The following PRDM11 variants were observed in gnomAD, a reference collection of about 807,000 sequenced individuals.
PRDM11 encodes the protein PR/SET domain 11.
In PRDM11, 20 loss-of-function variants were observed where a neutral mutation model predicts 97.8. The ratio of observed to expected loss-of-function variants is 0.20; its 90% CI spans 0.14 to 0.30. The LOEUF (loss-of-function observed/expected upper bound fraction) is 0.30, where lower values mean the gene tolerates loss of function less well. Among genes scored for constraint, PRDM11 ranks in the 10% least tolerant of loss-of-function variants. The pLI is 1.00. For synonymous variants in PRDM11, 599 were observed against 637.7 expected, an observed-to-expected ratio of 0.94 and a Z score of 0.91; for missense variants, 1,139 against 1,555.2, an observed-to-expected ratio of 0.73 and a Z score of 4.50.
At chr11:45,113,729 A>T (rs1256963764) in intron 1 of PRDM11, among the ~76,000 whole-genome samples, 2 of 150,766 alleles carry the variant, frequency 1.3e-5, no homozygotes. Flanking sequence ...TGTAAAAGGG[A>T]GTGAGTTCAT....
chr11:45,153,852 A>G (rs537731561), intron 1 of PRDM11, among the ~76,000 whole-genome samples: 17 of 152,310 alleles, frequency 1.1e-4, no homozygotes, highest in African/African-American at 4.1e-4. Context: ...GCACCAGGAC[A>G]CTGACAACAG....
At chr11:45,222,170 C>T (rs1055497942) in intron 6 of PRDM11, among the ~76,000 whole-genome samples, 1 of 152,146 alleles carries the variant, frequency 6.6e-6, no homozygotes, top group Non-Finnish European at 1.5e-5. Context: ...TACTTTGATT[C>T]ACTAATTTAC....
At chr11:45,157,374 G>A (rs535979335) in intron 1 of PRDM11, among the ~76,000 whole-genome samples, 2 of 152,256 alleles carry the variant, frequency 1.3e-5, no homozygotes, top group African/African-American at 2.4e-5. Context: ...GGTAGGGTTC[G>A]CGTCCTATGA....
intron 4 of PRDM11, among the ~76,000 whole-genome samples, chr11:45,184,758 C>A (rs1231708237): frequency 6.6e-6 from 1 of 151,958 alleles, no homozygotes; most frequent in Non-Finnish European, 1.5e-5. Flanking sequence ...GTCAAGTAGG[C>A]AGTTGGATAT....
chr11:45,119,264 G>A (rs1852371094), intron 1 of PRDM11, among the ~76,000 whole-genome samples: 3 of 152,180 alleles, frequency 2.0e-5, no homozygotes, highest in Non-Finnish European at 1.5e-5. Flanking sequence ...ACTTGTGAGA[G>A]TAGGCAAATG....
chr11:45,226,819 G>A lies in PRDM11; in HGVS notation c.2194G>A (p.Asp732Asn). The change falls in exon 8 of 8, where the codon GAT (aspartate) becomes AAT (asparagine). Residue 732 changes from aspartate (D) to asparagine (N), a missense_variant. Physicochemically the swap from Asp to Asn is conservative, Grantham distance 23. Around this residue, in one of 2 missense-constraint regions of PRDM11, gnomAD observed 710 missense variants for 1,044.9 expected, o/e 0.68. Coordinates refer to ENST00000683152, the MANE Select transcript of PRDM11 (RefSeq NM_001384648.1). ...DEKPTVGLGV[D>N]GANITASLRA... ...AAAGCCAACTGTTGGCTTGGGTGTAGATGGAGCCAACATCACAGCCAGCCT... is the reference window on the plus strand; with the variant it reads ...AAAGCCAACTGTTGGCTTGGGTGTAAATGGAGCCAACATCACAGCCAGCCT... 3.9e-6 allele frequency: 6 copies of A among 1,533,912 alleles called. No homozygotes were observed. Among genetic ancestry groups the A allele is most frequent in the Non-Finnish European group, 5.2e-6 (6 of 1,146,732 alleles).
Position 45,219,926 on chromosome 11 carries a change from G to A in PRDM11, c.742+169G>A, listed in dbSNP as rs564927600. Among the ~76,000 whole-genome samples the A allele has an allele frequency of 6.6e-6, 1 of 152,272 alleles. No homozygotes were observed. The highest frequency in any genetic ancestry group is 2.1e-4 in the South Asian group (1 of 4,820). On this transcript the variant is annotated intron_variant, in intron 6 of 7. Transcript: ENST00000683152. This position sits in a 1 kb window ranked among gnomAD's most constrained non-coding sequence, Gnocchi z 4.2. ...TGAGCAGCAGCTCTGGGCCAAGCAGGGGCCACCCCAGCATGTTATCGACCC... is the reference window on the plus strand; with the variant it reads ...TGAGCAGCAGCTCTGGGCCAAGCAGAGGCCACCCCAGCATGTTATCGACCC...
Position 45,215,134 on chromosome 11 carries a change from C to T in PRDM11, c.555-4436C>T, listed in dbSNP as rs570879141. On this transcript the variant is annotated intron_variant, in intron 5 of 7. Transcript: ENST00000683152. ...ATGTGCCAGTGCACTTTAGGGGCCA[C>T]CTGGAGGCATGACCCTCCCCACCAA... Among the ~76,000 whole-genome samples, 3 of 152,328 alleles carry T rather than the reference C, an allele frequency of 2.0e-5. No homozygotes were observed. The East Asian group carries it at 5.8e-4, about 29-fold the overall frequency.
In PRDM11 at chr11:45,227,854, G is replaced by T; in HGVS notation, c.3229G>T (p.Val1077Phe). 1 of 1,533,894 alleles carries T rather than the reference G, an allele frequency of 6.5e-7. No individual in the cohort carries two copies. ...RFPLLNKIIQ[V>F]LKVLPTSTAC... ...TCCACTCTTGAACAAGATCATCCAG[G>T]TTCTTAAAGTCCTCCCCACTTCCAC... is the stretch of plus-strand genomic sequence containing the variant. The change falls in exon 8 of 8, where the codon GTT becomes TTT. Residue 1077 changes from valine (V) to phenylalanine (F), a missense_variant. Around this residue, in one of 2 missense-constraint regions of PRDM11, gnomAD observed 710 missense variants for 1,044.9 expected, o/e 0.68. Coordinates refer to ENST00000683152, the MANE Select transcript of PRDM11 (RefSeq NM_001384648.1). The surrounding 1 kb of genome is among the most constrained non-coding windows in gnomAD (Gnocchi z 8.0).
At chr11:45,198,336 T>G (rs968569824) in intron 4 of PRDM11, among the ~76,000 whole-genome samples, 1 of 152,198 alleles carries the variant, frequency 6.6e-6, no homozygotes, top group Non-Finnish European at 1.5e-5. Context: ...ATCTCTCAGG[T>G]CTTCAGTTGG....
intron 1 of PRDM11, among the ~76,000 whole-genome samples, chr11:45,176,158 G>A (rs145980942): frequency 6.6e-6 from 1 of 152,244 alleles, no homozygotes; most frequent in Admixed American, 6.5e-5. Context: ...CAGATCACCT[G>A]AGGTCAGGAG....
chr11:45,113,790 G>T (rs1852237153), intron 1 of PRDM11, among the ~76,000 whole-genome samples: 1 of 5,628 alleles, frequency 1.8e-4, no homozygotes, highest in South Asian at 6.8e-3. Context: ...CTACTGATTT[G>T]TGTGTGTGTG....
At chr11:45,126,390 T>A (rs904518803) in intron 1 of PRDM11, among the ~76,000 whole-genome samples, 24 of 152,144 alleles carry the variant, frequency 1.6e-4, no homozygotes, top group Non-Finnish European at 3.1e-4. Context: ...TGATGTTAGC[T>A]GGTTATTTTG....
intron 1 of PRDM11, among the ~76,000 whole-genome samples, chr11:45,160,482 AGGAATACGTACCACT>A (rs1219711845): frequency 6.6e-6 from 1 of 152,230 alleles, no homozygotes; most frequent in Non-Finnish European, 1.5e-5. Flanking sequence ...CATAATTTAT[AGGAATACGTACCACT>A]GCAGAGTGTG....
Position 45,101,451 on chromosome 11 carries a change from G to T in PRDM11, c.96+5550G>T, listed in dbSNP as rs1200260103. Reference sequence around the variant, plus strand: ...TGCACCTGTAGTCCCAGCCACTCAGGAGGCTGAGGCAGGATAATTGCTTGA... The same window carrying T: ...TGCACCTGTAGTCCCAGCCACTCAGTAGGCTGAGGCAGGATAATTGCTTGA... On this transcript the variant is annotated intron_variant, in intron 1 of 6. Coordinates refer to the PRDM11 transcript ENST00000530656. Among the ~76,000 whole-genome samples the T allele has an allele frequency of 2.6e-5, 4 of 152,082 alleles. No homozygotes were observed. The East Asian group carries it at 7.7e-4, about 29-fold the overall frequency.
chr11:45,155,520 A>G (rs889590991), intron 1 of PRDM11, among the ~76,000 whole-genome samples: 1 of 152,180 alleles, frequency 6.6e-6, no homozygotes, highest in Admixed American at 6.5e-5. Flanking sequence ...TCCAACCCAA[A>G]CAGAGTGTCA....
intron 4 of PRDM11, among the ~76,000 whole-genome samples, chr11:45,190,433 C>T (rs1225959383): frequency 6.6e-6 from 1 of 151,768 alleles, no homozygotes; most frequent in African/African-American, 2.4e-5. Flanking sequence ...CAGGCATGAG[C>T]CACCGCGCCC....
chr11:45,228,910 A>G lies in PRDM11; in HGVS notation c.*751A>G, dbSNP rs1854341889. On this transcript the variant is annotated 3_prime_UTR_variant, in exon 8 of 8. Coordinates refer to ENST00000683152, the MANE Select transcript of PRDM11 (RefSeq NM_001384648.1). ...TTCCAGCCCCCCCTGGAAACTCACA[A>G]TATTACCCATTATACTGAAGGCAAC... The G allele has an allele frequency of 1.3e-5, 2 of 152,130 alleles. No individual in the cohort carries two copies. Among genetic ancestry groups the G allele is most frequent in the African/African-American group, 4.8e-5 (2 of 41,388 alleles). 9.4% of individuals were successfully genotyped at this position (152,130 alleles called of 1,614,324 possible).
intron 1 of PRDM11, among the ~76,000 whole-genome samples, chr11:45,139,701 GT>G (rs1852957608): frequency 6.6e-6 from 1 of 152,042 alleles, no homozygotes. Flanking sequence ...AACTAAGGAT[GT>G]GTACTGTCGT....
Sources: gnomAD v4.1 joint callset for allele counts (sites outside exome capture counted in the v4.1 genomes callset) on GRCh38, gnomAD v4.1.1 for gene constraint, gnomAD v4.1.1 regional missense constraint, Gnocchi (gnomAD v3.1) non-coding constraint, MANE v1.5 for transcripts, NCBI Gene and HGNC (gene_info 2026-07-23, HGNC 2026-07-21) for gene names.